Variants in COL6A6 observed in about 807,000 individuals in gnomAD.
The protein encoded by COL6A6 is collagen alpha-6(VI) chain.
Under a neutral mutation model 208.6 loss-of-function variants are expected in COL6A6, and 183 were observed. The ratio of observed to expected loss-of-function variants is 0.88; its 90% CI spans 0.78 to 0.99. The LOEUF (loss-of-function observed/expected upper bound fraction) is 0.99. Ranked by LOEUF, COL6A6 falls within the 50% of genes least tolerant of loss-of-function variation. COL6A6 has a pLI of 0.00. For missense variants in COL6A6, 2,816 were observed against 2,815.2 expected (o/e 1.00, Z -0.01); for synonymous variants, 973 against 1,011.8 (o/e 0.96, Z 0.73).
intron 1 of COL6A6, among the ~76,000 whole-genome samples, chr3:130,525,161 TA>T (rs1417289142): frequency 6.6e-6 from 1 of 152,214 alleles, no homozygotes; most frequent in Non-Finnish European, 1.5e-5. Flanking sequence ...TGGATGTGGT[TA>T]AAACTCAGAC....
intron 26 of COL6A6, among the ~76,000 whole-genome samples, chr3:130,628,808 TTTCC>T: frequency 4.4e-5 from 3 of 67,898 alleles, no homozygotes; most frequent in South Asian, 8.7e-4. Context: ...GATTTCTGCA[TTTCC>T]ATCTGAGACC....
At chr3:130,564,386 G>A (rs1408830312) in intron 3 of COL6A6, among the ~76,000 whole-genome samples, 1 of 152,226 alleles carries the variant, frequency 6.6e-6, no homozygotes, top group Non-Finnish European at 1.5e-5. Flanking sequence ...GCAGGGGATA[G>A]CCAGTAAAAA....
chr3:130,557,342 T>C (rs901373365), intron 1 of COL6A6, among the ~76,000 whole-genome samples: 4 of 152,262 alleles, frequency 2.6e-5, no homozygotes, highest in African/African-American at 7.2e-5. Flanking sequence ...GTTTTGTTTT[T>C]CTCACCAGCA....
chr3:130,628,562 T>G, intron 26 of COL6A6, among the ~76,000 whole-genome samples: 1 of 152,316 alleles, frequency 6.6e-6, no homozygotes, highest in East Asian at 1.9e-4. Flanking sequence ...GGAAATGAGC[T>G]TTATTTTAAA....
rs745524915 is a variant in COL6A6 at position 130,645,012 on chromosome 3, C to T, written c.5239+10C>T. The T allele has an allele frequency of 5.6e-6, 9 of 1,610,822 alleles. No homozygotes were observed. The highest frequency in any genetic ancestry group is 5.9e-6 in the Non-Finnish European group (7 of 1,177,118). On this transcript the variant is annotated intron_variant, in intron 32 of 36. Coordinates refer to ENST00000358511, the MANE Select transcript of COL6A6 (RefSeq NM_001102608.3). ...CCAGCTGGCAGGCATGGTGAGTAAT[C>T]TTTATTTACAGCATGCTTTAATCAA... is the stretch of plus-strand genomic sequence containing the variant.
intron 20 of COL6A6, among the ~76,000 whole-genome samples, chr3:130,602,013 A>C (rs571308706): frequency 2.6e-5 from 4 of 152,200 alleles, no homozygotes; most frequent in Non-Finnish European, 5.9e-5. Flanking sequence ...GGAGCAGGGA[A>C]TATACACATA....
Position 130,556,264 on chromosome 3 carries a change from A to G in COL6A6, c.-31-4070A>G, listed in dbSNP as rs193232045. Among the ~76,000 whole-genome samples, 392 of 152,280 alleles carry G rather than the reference A, an allele frequency of 2.6e-3. 15 individuals are homozygous for G. In the South Asian group the frequency reaches 0.066, roughly 26 times the overall value. On this transcript the variant is annotated intron_variant, in intron 1 of 36. Coordinates refer to ENST00000358511, the MANE Select transcript of COL6A6 (RefSeq NM_001102608.3). ...TCTAATGTCTTGTTTAGGATTTTTT[A>G]ATATTTATCTTCATGAGTGAAATGG...
At chr3:130,561,779 A>T (rs2062893021) in intron 2 of COL6A6, among the ~76,000 whole-genome samples, 1 of 150,550 alleles carries the variant, frequency 6.6e-6, no homozygotes, top group Non-Finnish European at 1.5e-5. Context: ...CAGCCTCCCG[A>T]GTAGCTGGGA....
chr3:130,596,390 G>A (rs568772461), intron 18 of COL6A6, among the ~76,000 whole-genome samples: 2 of 152,270 alleles, frequency 1.3e-5, no homozygotes, highest in African/African-American at 4.8e-5. Flanking sequence ...GCTAAAGATC[G>A]TGTGATTGTG....
intron 12 of COL6A6, 126 bp from the exon 13 acceptor site, chr3:130,590,915 G>A (rs2063698245): frequency 2.7e-6 from 2 of 734,488 alleles, no homozygotes; most frequent in African/African-American, 1.8e-5. Context: ...CATTGGGAAG[G>A]AAGGACCATT....
intron 28 of COL6A6, among the ~76,000 whole-genome samples, chr3:130,638,709 C>T (rs2065226329): frequency 1.5e-5 from 1 of 67,266 alleles, no homozygotes; most frequent in South Asian, 4.5e-4. Context: ...ATTGGATATT[C>T]CAACAGTTCT....
At chr3:130,650,288 G>T (rs78068298) in intron 33 of COL6A6, among the ~76,000 whole-genome samples, 32,274 of 151,946 alleles carry the variant, frequency 0.21, 4,923 homozygotes, top group African/African-American at 0.43. Flanking sequence ...ACCGTGAAGG[G>T]GGGGGCCAGG....
At chr3:130,639,520 C>T (rs2065250677) in intron 28 of COL6A6, among the ~76,000 whole-genome samples, 1 of 152,002 alleles carries the variant, frequency 6.6e-6, no homozygotes, top group African/African-American at 2.4e-5. Context: ...TGGCCAAACC[C>T]CATCTCTACA....
In COL6A6 at chr3:130,562,920, T is replaced by G. The variant is rs2062925309; in HGVS notation, c.65-148T>G. 9.0e-6 allele frequency: 5 copies of G among 557,614 alleles called. 1 individual carries two copies. The highest frequency in any genetic ancestry group is 3.8e-4 in the Middle Eastern group (1 of 2,634). 34.5% of individuals were successfully genotyped at this position (557,614 alleles called of 1,614,324 possible). A position where few individuals can be genotyped will look rare whatever the true frequency, so the allele number is the denominator to read the frequency against. Reference sequence around the variant, plus strand: ...CAGCTATTTCTTTTTCTTGAGAGAATGTGCAGTTGCAGGCTATTATTTTCG... The same window carrying G: ...CAGCTATTTCTTTTTCTTGAGAGAAGGTGCAGTTGCAGGCTATTATTTTCG... On this transcript the variant is annotated intron_variant, in intron 2 of 36. Coordinates refer to ENST00000358511, the MANE Select transcript of COL6A6 (RefSeq NM_001102608.3).
At chr3:130,539,800 A>G (rs2062316611) in intron 1 of COL6A6, among the ~76,000 whole-genome samples, 1 of 152,206 alleles carries the variant, frequency 6.6e-6, no homozygotes. Flanking sequence ...TCTCAGTGGG[A>G]CAAATACTCC....
intron 1 of COL6A6, among the ~76,000 whole-genome samples, chr3:130,550,098 C>G (rs928599101): frequency 6.6e-6 from 1 of 152,028 alleles, no homozygotes; most frequent in African/African-American, 2.4e-5. Flanking sequence ...CTTGATTTGG[C>G]TCTCATCTTG....
chr3:130,592,451 T>A, intron 13 of COL6A6, 90 bp from the exon 14 acceptor site: 2 of 983,340 alleles, frequency 2.0e-6, no homozygotes, highest in South Asian at 3.1e-5. Flanking sequence ...GCATTCACAC[T>A]TTTTTTGGTA....
intron 28 of COL6A6, among the ~76,000 whole-genome samples, chr3:130,636,139 C>T (rs769828049): frequency 6.6e-6 from 1 of 152,214 alleles, no homozygotes; most frequent in Admixed American, 6.5e-5. Flanking sequence ...CTTGTCTTCA[C>T]TATTCAGGTT....
chr3:130,594,516 G>A lies in COL6A6; in HGVS notation c.4533+173G>A, dbSNP rs1576292557. The A allele has an allele frequency of 6.0e-6, 3 of 503,184 alleles. No individual in the cohort carries two copies. In the East Asian group the frequency reaches 9.7e-5, roughly 16 times the overall value. The allele number at this position is 503,184 out of a possible 1,614,324, so 31.2% of individuals were successfully genotyped here. A position where few individuals can be genotyped will look rare whatever the true frequency, so the allele number is the denominator to read the frequency against. ...GCTAGATCCTCTTCATATACTGAAT[G>A]AGTATGAGCAGTAAAAAGCCCTTAC... On this transcript the variant is annotated intron_variant, in intron 18 of 36. Coordinates refer to ENST00000358511, the MANE Select transcript of COL6A6 (RefSeq NM_001102608.3).
Sources: allele counts gnomAD v4.1 joint callset (sites outside exome capture counted in the v4.1 genomes callset), GRCh38; gene constraint gnomAD v4.1.1; transcripts MANE v1.5; gene names NCBI Gene and HGNC (gene_info 2026-07-23, HGNC 2026-07-21).